PRKG1: variants seen among roughly 807,000 people sequenced by gnomAD.
PRKG1 encodes protein kinase cGMP-dependent 1, also known as cGMP-dependent protein kinase 1.
In PRKG1, 35 loss-of-function variants were observed where a neutral mutation model predicts 88.1. The ratio of observed to expected loss-of-function variants is 0.40; its 90% CI spans 0.30 to 0.53. The LOEUF is 0.53. Among genes scored for constraint, PRKG1 ranks in the 20% least tolerant of loss-of-function variants. The pLI is 0.59. For synonymous variants in PRKG1, 303 were observed against 292.5 expected, an observed-to-expected ratio of 1.04 and a Z score of -0.37; for missense variants, 540 against 839.8, an observed-to-expected ratio of 0.64 and a Z score of 4.41.
chr10:51,723,889 A>G (rs1842070879), intron 3 of PRKG1, among the ~76,000 whole-genome samples: 1 of 152,190 alleles, frequency 6.6e-6, no homozygotes, highest in Non-Finnish European at 1.5e-5. Flanking sequence ...TATTGTCTTT[A>G]TTTGGAAACT....
chr10:51,549,116 T>C (rs1398926871), intron 3 of PRKG1, among the ~76,000 whole-genome samples: 3 of 113,472 alleles, frequency 2.6e-5, no homozygotes, highest in Admixed American at 1.9e-4. Flanking sequence ...CTTTCTTTTC[T>C]TTTCTTTTTT....
At chr10:51,601,957 G>A (rs1838617628) in intron 3 of PRKG1, among the ~76,000 whole-genome samples, 1 of 151,468 alleles carries the variant, frequency 6.6e-6, no homozygotes, top group Non-Finnish European at 1.5e-5. Context: ...ATTTTAACCA[G>A]CTCCCATCAT....
chr10:51,565,081 C>T, intron 3 of PRKG1, among the ~76,000 whole-genome samples: 1 of 152,090 alleles, frequency 6.6e-6, no homozygotes, highest in East Asian at 1.9e-4. Flanking sequence ...GTGAATAGTA[C>T]TCCCCTGCAA....
intron 9 of PRKG1, among the ~76,000 whole-genome samples, chr10:52,215,753 C>A (rs966209050): frequency 3.9e-5 from 6 of 152,076 alleles, no homozygotes; most frequent in Admixed American, 6.6e-5. Context: ...AGAAACATAA[C>A]TTTTGGTTTT....
chr10:51,672,079 T>C (rs1454068517), intron 3 of PRKG1, among the ~76,000 whole-genome samples: 3 of 152,198 alleles, frequency 2.0e-5, no homozygotes, highest in Non-Finnish European at 4.4e-5. Flanking sequence ...TACTATGATA[T>C]ATATTTTTAC....
chr10:51,171,690 T>C (rs1309664554), intron 2 of PRKG1, among the ~76,000 whole-genome samples: 1 of 152,090 alleles, frequency 6.6e-6, no homozygotes, highest in Non-Finnish European at 1.5e-5. Flanking sequence ...AGTAAAAAAT[T>C]TGTGGGGATT....
chr10:51,763,721 C>A (rs1434214120), intron 3 of PRKG1, among the ~76,000 whole-genome samples: 1 of 151,582 alleles, frequency 6.6e-6, no homozygotes, highest in Admixed American at 6.6e-5. Context: ...TAGCAGAATA[C>A]CTGAAACTGG....
intron 2 of PRKG1, among the ~76,000 whole-genome samples, chr10:51,231,093 AG>A (rs1838832360): frequency 6.6e-6 from 1 of 152,136 alleles, no homozygotes; most frequent in African/African-American, 2.4e-5. Flanking sequence ...AAAGGGAGGG[AG>A]AAGCCCTCGT....
chr10:51,699,659 T>C, intron 3 of PRKG1: 1 of 1,272,508 alleles, frequency 7.9e-7, no homozygotes, highest in South Asian at 1.4e-5. Context: ...GGGCAGAAAC[T>C]TTACTAATTC....
At chr10:51,257,008 T>A (rs1208474450) in intron 2 of PRKG1, among the ~76,000 whole-genome samples, 3 of 151,966 alleles carry the variant, frequency 2.0e-5, no homozygotes, top group Non-Finnish European at 2.9e-5. Context: ...ATTAAAAAAA[T>A]TCACATGAAG....
intron 5 of PRKG1, among the ~76,000 whole-genome samples, chr10:51,954,872 A>G (rs1179195825): frequency 6.6e-6 from 1 of 152,056 alleles, no homozygotes; most frequent in Admixed American, 6.6e-5. Context: ...TAGTGTAATC[A>G]CCTCCCAACC....
At chr10:51,072,891 C>A (rs557313990), upstream of PRKG1, among the ~76,000 whole-genome samples, 1 of 152,108 alleles carries the variant, frequency 6.6e-6, no homozygotes, top group Admixed American at 6.5e-5. Flanking sequence ...TCAAAAGCAA[C>A]AGTGTGCAAG....
At chr10:52,042,729 T>A (rs12356110) in intron 5 of PRKG1, among the ~76,000 whole-genome samples, 9,013 of 152,126 alleles carry the variant, frequency 0.059, 685 homozygotes, top group East Asian at 0.44. Context: ...AATGAGATTA[T>A]GTCAAACTCA....
chr10:51,531,391 A>G (rs1055730092), intron 3 of PRKG1, among the ~76,000 whole-genome samples: 7 of 152,190 alleles, frequency 4.6e-5, no homozygotes, highest in Non-Finnish European at 1.0e-4. Context: ...TAGGTACATA[A>G]TACTGAAGCT....
intron 2 of PRKG1, among the ~76,000 whole-genome samples, chr10:51,385,642 C>T (rs937111602): frequency 5.9e-5 from 9 of 152,170 alleles, no homozygotes; most frequent in East Asian, 1.9e-4. Flanking sequence ...TTTTCTGAAT[C>T]GAAGCCCTCA....
intron 1 of PRKG1, among the ~76,000 whole-genome samples, chr10:51,093,795 T>TACAC (rs1844456754): frequency 8.5e-6 from 1 of 117,214 alleles, no homozygotes; most frequent in African/African-American, 4.4e-5. Flanking sequence ...ATTTTATATA[T>TACAC]ATATATACAC....
At chr10:51,264,006 C>G (rs1306057276) in intron 2 of PRKG1, among the ~76,000 whole-genome samples, 1 of 152,138 alleles carries the variant, frequency 6.6e-6, no homozygotes, top group Non-Finnish European at 1.5e-5. Context: ...TCTTTGAAAA[C>G]TAGGTTTTAA....
chr10:52,002,974 T>A (rs1044658256), intron 5 of PRKG1, among the ~76,000 whole-genome samples: 3 of 152,198 alleles, frequency 2.0e-5, no homozygotes, highest in African/African-American at 7.2e-5. Flanking sequence ...TTTTAGTGCA[T>A]AGTGGTTATT....
chr10:51,388,216 A>G (rs939838542), intron 2 of PRKG1, among the ~76,000 whole-genome samples: 5 of 152,036 alleles, frequency 3.3e-5, no homozygotes, highest in African/African-American at 1.2e-4. Context: ...TCCCCCTTTT[A>G]TTTTAAAGTG....
Sources: gnomAD v4.1 joint callset for allele counts (sites outside exome capture counted in the v4.1 genomes callset) on GRCh38, gnomAD v4.1.1 for gene constraint, MANE v1.5 for transcripts, NCBI Gene and HGNC (gene_info 2026-07-23, HGNC 2026-07-21) for gene names.